Variants in ALG12 observed in about 807,000 individuals in gnomAD.
ALG12 encodes dol-P-Man:Man(7)GlcNAc(2)-PP-Dol alpha-1,6-mannosyltransferase.
In ALG12, 36 loss-of-function variants were observed where a neutral mutation model predicts 46.0. The ratio of observed to expected loss-of-function variants is 0.78; its 90% CI spans 0.60 to 1.03. ALG12 has a LOEUF of 1.03. Ranked by LOEUF, ALG12 falls within the 50% of genes least tolerant of loss-of-function variation. ALG12 has a pLI of 0.00. For synonymous variants in ALG12, 326 were observed against 291.6 expected (o/e 1.12, Z -1.20); for missense variants, 599 against 633.5 (o/e 0.95, Z 0.58).
At chr22:49,871,771 T>TG in the ALG12 span, among the ~76,000 whole-genome samples, 1 of 150,934 alleles carries the variant, frequency 6.6e-6, no homozygotes, top group African/African-American at 2.4e-5. Context: ...TTTTTTTTTT[T>TG]TGAGACAGAG....
chr22:49,903,095 T>A lies in ALG12; in HGVS notation c.*743A>T, dbSNP rs944183417. On this transcript the variant is annotated 3_prime_UTR_variant, in exon 10 of 10. Coordinates refer to ENST00000330817, the MANE Select transcript of ALG12 (RefSeq NM_024105.4). Reference sequence around the variant, plus strand: ...CGCACTTTGGTGCTTTATAAATGCATGGTCAGTGAGGCTGACAGCACCAAG... The same window carrying A: ...CGCACTTTGGTGCTTTATAAATGCAAGGTCAGTGAGGCTGACAGCACCAAG... 1 of 352,008 alleles carries A rather than the reference T, an allele frequency of 2.8e-6. No individual in the cohort carries two copies. Among genetic ancestry groups the A allele is most frequent in the Non-Finnish European group, 5.5e-6 (1 of 180,206 alleles). The allele number at this position is 352,008 out of a possible 1,614,324, so 21.8% of individuals were successfully genotyped here. A position where few individuals can be genotyped will look rare whatever the true frequency, so the allele number is the denominator to read the frequency against.
At chr22:49,868,604 G>C in the ALG12 span, among the ~76,000 whole-genome samples, 31 of 152,092 alleles carry the variant, frequency 2.0e-4, no homozygotes, top group Non-Finnish European at 3.8e-4. Flanking sequence ...AATGAAAACT[G>C]ACCCAAGAAA....
Position 49,903,753 on chromosome 22 carries a change from A to C in ALG12, c.*85T>G, listed in dbSNP as rs775881566. On this transcript the variant is annotated 3_prime_UTR_variant, in exon 10 of 10. Coordinates refer to ENST00000330817, the MANE Select transcript of ALG12 (RefSeq NM_024105.4). ...CTTTGACTTGCTTCTCTGAATTGTC[A>C]TAATTGTGCTGGAATTGTGCCAGAA... The C allele has an allele frequency of 6.8e-6, 10 of 1,478,130 alleles. No homozygotes were observed. The South Asian group carries it at 8.0e-5, about 12-fold the overall frequency. The allele number at this position is 1,478,130 out of a possible 1,614,324, so 91.6% of individuals were successfully genotyped here.
the ALG12 span, among the ~76,000 whole-genome samples, chr22:49,865,384 T>A: frequency 6.6e-6 from 1 of 151,962 alleles, no homozygotes; most frequent in African/African-American, 2.4e-5. Flanking sequence ...GCGCAGTGGC[T>A]CACGCCTCTA....
the ALG12 span, among the ~76,000 whole-genome samples, chr22:49,865,216 C>T: frequency 4.6e-5 from 7 of 152,124 alleles, no homozygotes; most frequent in African/African-American, 1.7e-4. Context: ...GCATTTGTAA[C>T]ACCGTGGCAA....
intron 3 of ALG12, among the ~76,000 whole-genome samples, chr22:49,911,434 CTT>C (rs869143798): frequency 6.9e-6 from 1 of 145,156 alleles, no homozygotes. Flanking sequence ...CTGCAAATGT[CTT>C]TTTTTTTTTC....
At chr22:49,863,968 C>G in the ALG12 span, among the ~76,000 whole-genome samples, 8 of 152,318 alleles carry the variant, frequency 5.3e-5, no homozygotes, top group African/African-American at 1.9e-4. Context: ...TGAACTCTCT[C>G]AGAGGTTTCT....
At chr22:49,890,697 A>G in the ALG12 span, among the ~76,000 whole-genome samples, 36,935 of 152,106 alleles carry the variant, frequency 0.24, 5,041 homozygotes, top group South Asian at 0.39. Context: ...AGCTTCGGCT[A>G]ACTTTCTCAA....
the ALG12 span, among the ~76,000 whole-genome samples, chr22:49,872,552 T>G: frequency 6.6e-6 from 1 of 152,204 alleles, no homozygotes; most frequent in East Asian, 1.9e-4. Flanking sequence ...TTTTTAGAGA[T>G]ATGGTCTTGC....
At chr22:49,876,179 G>T in the ALG12 span, among the ~76,000 whole-genome samples, 1 of 151,986 alleles carries the variant, frequency 6.6e-6, no homozygotes, top group Non-Finnish European at 1.5e-5. Context: ...ATGTATTGAG[G>T]TTTGCTTTAT....
intron 6 of ALG12, 34 bp from the exon 7 acceptor site, chr22:49,907,978 C>T (rs756568022): frequency 3.7e-6 from 6 of 1,602,450 alleles, no homozygotes; most frequent in Non-Finnish European, 5.1e-6. Flanking sequence ...ACGCACCTGT[C>T]CACGCATGAG....
At chr22:49,883,874 CG>C in the ALG12 span, 3 of 1,605,866 alleles carry the variant, frequency 1.9e-6, no homozygotes, top group South Asian at 1.1e-5. Flanking sequence ...TGCAAGCCCC[CG>C]GGGAAGTACT....
At position 49,907,245 on chromosome 22, in the gene ALG12, T is replaced by C. The variant is rs536962640; in HGVS notation, c.992+476A>G. On this transcript the variant is annotated intron_variant, in intron 7 of 9. Coordinates refer to ENST00000330817, the MANE Select transcript of ALG12 (RefSeq NM_024105.4). The stretch of plus-strand genomic sequence containing the variant: ...AGAGCCTCCCAGGCCTGGCTGCCCC[T>C]GCCCTCTGCCGCTGCTACCTATGTG... 6.6e-4 allele frequency among the ~76,000 whole-genome samples: 100 copies of C among 152,310 alleles called. 1 individual carries two copies. Among genetic ancestry groups the C allele is most frequent in the African/African-American group, 2.2e-3 (91 of 41,576 alleles).
rs191669043 is a variant in ALG12, at chr22:49,910,100, T to A, written c.470-12A>T. 15 of 1,592,702 alleles carry A rather than the reference T, an allele frequency of 9.4e-6. No homozygotes were observed. In the Admixed American group the frequency reaches 2.5e-4, roughly 26 times the overall value. ...GAGGGCCAGCAGGACTGCAAGACAG[T>A]GCGGGAGGGTGCTCGTCAAGACACA... On this transcript the variant is annotated splice_polypyrimidine_tract_variant and intron_variant, in intron 4 of 9. Coordinates refer to ENST00000330817, the MANE Select transcript of ALG12 (RefSeq NM_024105.4).
At chr22:49,884,705 T>G in the ALG12 span, 1 of 1,594,424 alleles carries the variant, frequency 6.3e-7, no homozygotes, top group Non-Finnish European at 8.5e-7. Context: ...GGCACGGGCA[T>G]CCCGCCACTG....
chr22:49,861,072 G>T, the ALG12 span, among the ~76,000 whole-genome samples: 2 of 151,966 alleles, frequency 1.3e-5, no homozygotes, highest in Non-Finnish European at 2.9e-5. Context: ...CACCATGCCC[G>T]GCCTAGGCAA....
chr22:49,906,882 G>A lies in ALG12; in HGVS notation c.992+839C>T, dbSNP rs1024329740. Among the ~76,000 whole-genome samples the A allele has an allele frequency of 6.6e-6, 1 of 152,144 alleles. No individual in the cohort carries two copies. The highest frequency in any genetic ancestry group is 2.4e-5 in the African/African-American group (1 of 41,410). ...TCCCCAGCACCCACAGGGCCCGGCA[G>A]TGATGGACTCTCCTGGCTCCCTGAG... On this transcript the variant is annotated intron_variant, in intron 7 of 9. Coordinates refer to ENST00000330817, the MANE Select transcript of ALG12 (RefSeq NM_024105.4). The surrounding 1 kb of genome is among the most constrained non-coding windows in gnomAD (Gnocchi z 4.4).
the ALG12 span, among the ~76,000 whole-genome samples, chr22:49,877,718 G>C: frequency 6.6e-6 from 1 of 152,042 alleles, no homozygotes; most frequent in East Asian, 1.9e-4. Context: ...ATTTGCATAT[G>C]AATCTTCATA....
At chr22:49,876,049 G>A in the ALG12 span, among the ~76,000 whole-genome samples, 5 of 151,186 alleles carry the variant, frequency 3.3e-5, no homozygotes, top group Middle Eastern at 3.4e-3. Flanking sequence ...TTGATACTGC[G>A]TGTAATATAA....
Sources: allele counts gnomAD v4.1 joint callset (sites outside exome capture counted in the v4.1 genomes callset), GRCh38; gene constraint gnomAD v4.1.1; non-coding constraint Gnocchi (gnomAD v3.1); transcripts MANE v1.5; gene names NCBI Gene and HGNC (gene_info 2026-07-23, HGNC 2026-07-21).